AKAP9: variants seen among roughly 807,000 people sequenced by gnomAD.
The protein encoded by AKAP9 is A-kinase anchor protein 9.
AKAP9 carries 311 observed loss-of-function variants against 488.5 expected under a neutral mutation model. The observed-to-expected ratio is 0.64, with a 90% CI of 0.58 to 0.70. The LOEUF is 0.70. AKAP9 is among the 30% of genes least tolerant of loss of function. The probability of loss-of-function intolerance (pLI) is 0.00; values close to 1 mark genes in which losing one functional copy is unlikely to be tolerated. For synonymous variants in AKAP9, 1,462 were observed against 1,483.5 expected, an observed-to-expected ratio of 0.99 and a Z score of 0.33; for missense variants, 4,215 against 4,374.5, an observed-to-expected ratio of 0.96 and a Z score of 1.03.
At chr7:91,950,491 A>C (rs889394930) in intron 1 of AKAP9, among the ~76,000 whole-genome samples, 1 of 151,988 alleles carries the variant, frequency 6.6e-6, no homozygotes, top group Non-Finnish European at 1.5e-5. Flanking sequence ...CGGCCTCCCA[A>C]AGTGCTGGGA....
At chr7:91,974,169 T>C (rs1462413530) in intron 2 of AKAP9, among the ~76,000 whole-genome samples, 1 of 152,202 alleles carries the variant, frequency 6.6e-6, no homozygotes, top group Non-Finnish European at 1.5e-5. Context: ...TAATATATGT[T>C]GAACAACTGC....
rs1261330995 is a variant in AKAP9, at chr7:92,040,874, G to A, written c.4893G>A (p.Lys1631=). ...EDQEQLQEEI[K]RLNRQLAQRS... ...AGGAACAGCTACAAGAAGAGATTAA[G>A]AGACTTAATAGACAATTAGCCCAGG... The change falls in exon 18 of 50, where the codon AAG becomes AAA. Residue 1631 remains lysine, a synonymous_variant. Transcript: ENST00000356239. The A allele has an allele frequency of 6.2e-7, 1 of 1,613,444 alleles. No homozygotes were observed. Among genetic ancestry groups the A allele is most frequent in the Admixed American group, 1.7e-5 (1 of 59,936 alleles).
Position 92,062,563 on chromosome 7 carries a change from T to C in AKAP9, c.5977+77T>C, listed in dbSNP as rs913791552. 145 of 1,250,954 alleles carry C rather than the reference T, an allele frequency of 1.2e-4. 1 individual carries two copies. Among genetic ancestry groups the C allele is most frequent in the Middle Eastern group, 9.5e-4 (5 of 5,246 alleles). 77.5% of individuals were successfully genotyped at this position (1,250,954 alleles called of 1,614,324 possible). ...CTTCAAAGGCTTAAGGTGGCTTTTT[T>C]CCTCTTTCAGTGCCATTATTCATAT... On this transcript the variant is annotated intron_variant, in intron 24 of 49. Transcript: ENST00000356239.
At chr7:92,062,150 C>CTTTTAATAGGTTGGAATGAT in intron 23 of AKAP9, 124 bp from the exon 24 acceptor site, 1 of 844,022 alleles carries the variant, frequency 1.2e-6, no homozygotes, top group Non-Finnish European at 1.9e-6. Flanking sequence ...TCATTCAAGA[C>CTTTTAATAGGTTGGAATGAT]TTTTAATAGG....
intron 37 of AKAP9, among the ~76,000 whole-genome samples, chr7:92,088,783 CAAGAAAACTAAT>C (rs1449026810): frequency 1.3e-5 from 2 of 151,772 alleles, no homozygotes; most frequent in African/African-American, 2.4e-5. Context: ...GACTACACAC[CAAGAAAACTAAT>C]GTGAAAACTA....
Position 92,070,079 on chromosome 7 carries a change from AG to A in AKAP9, c.6381del (p.Glu2127AspfsTer20). On this transcript the variant is annotated frameshift_variant, in exon 27 of 50. Coordinates refer to ENST00000356239, the MANE Select transcript of AKAP9 (RefSeq NM_005751.5). LOFTEE classifies it high-confidence loss of function. ...HLKEKTDKCSELLLSKEQLQR... is the reference protein window; with the variant it reads ...HLKEKTDKCSXLLLSKEQLQR... ...AAAGAAAAAACAGACAAATGCAGTG[AG>A]CTTTTGCTCTCTAAAGAGCAGCTTC... 6.2e-7 allele frequency: 1 copy of A among 1,613,796 alleles called. No homozygotes were observed. Among genetic ancestry groups the A allele is most frequent in the Non-Finnish European group, 8.5e-7 (1 of 1,179,922 alleles).
intron 38 of AKAP9, 133 bp downstream of exon 38, chr7:92,089,662 A>G (rs147752340): frequency 1.3e-5 from 13 of 1,004,216 alleles, no homozygotes; most frequent in Non-Finnish European, 1.8e-5. Flanking sequence ...AATGTTAAGG[A>G]TACAATCTAT....
At chr7:91,956,647 T>C (rs1793059168) in intron 1 of AKAP9, among the ~76,000 whole-genome samples, 1 of 152,118 alleles carries the variant, frequency 6.6e-6, no homozygotes, top group Non-Finnish European at 1.5e-5. Flanking sequence ...ATAGACAGCA[T>C]ATTTTTTTTT....
intron 28 of AKAP9, among the ~76,000 whole-genome samples, chr7:92,072,773 T>C (rs921627730): frequency 6.6e-6 from 1 of 152,194 alleles, no homozygotes; most frequent in Non-Finnish European, 1.5e-5. Context: ...AGCTTAGAGT[T>C]AGCAATAATA....
At chr7:92,013,869 C>A (rs564657253) in intron 9 of AKAP9, among the ~76,000 whole-genome samples, 6 of 123,412 alleles carry the variant, frequency 4.9e-5, no homozygotes, top group Non-Finnish European at 5.2e-5. Flanking sequence ...GAGTAATGAT[C>A]AACATTTTTA....
chr7:91,971,277 T>C (rs778810066), intron 1 of AKAP9, among the ~76,000 whole-genome samples: 2 of 152,192 alleles, frequency 1.3e-5, no homozygotes, highest in Non-Finnish European at 2.9e-5. Flanking sequence ...CTCTAATGAT[T>C]CTTTCTGTTC....
In AKAP9 at chr7:92,082,672, G is replaced by GTAGCTTACCAAAGA. The variant is rs1813789814; in HGVS notation, c.8160+12_8160+13insGCTTACCAAAGATA. On this transcript the variant is annotated intron_variant, in intron 32 of 49. Transcript: ENST00000356239. ...TCAAGAAGAGCTTTTGGTAAGATAA[G>GTAGCTTACCAAAGA]TAACATAGCTCCTAATTCACTCATT... 3 of 1,613,476 alleles carry GTAGCTTACCAAAGA rather than the reference G, an allele frequency of 1.9e-6. No individual in the cohort carries two copies. In the African/African-American group the frequency reaches 4.0e-5, roughly 22 times the overall value.
Position 92,062,307 on chromosome 7 carries a change from T to C in AKAP9, c.5798T>C (p.Leu1933Pro). The C allele has an allele frequency of 1.9e-6, 3 of 1,613,756 alleles. No homozygotes were observed. Among genetic ancestry groups the C allele is most frequent in the Non-Finnish European group, 1.7e-6 (2 of 1,179,730 alleles). The part of the protein sequence containing the change: ...VIDGYADEKT[L>P]FERQIQEKTD... ...GATGGCTATGCAGATGAAAAAACTC[T>C]TTTTGAAAGGCAAATTCAGGAAAAA... Residue 1933 changes from leucine to proline, a missense_variant, in exon 24 of 50, where the codon CTT (leucine) becomes CCT (proline). Physicochemically the swap from Leu to Pro is moderately conservative, Grantham distance 98. Around this residue, in one of 5 missense-constraint regions of AKAP9, gnomAD observed 2,361 missense variants for 2,430.0 expected, o/e 0.97. Coordinates refer to ENST00000356239, the MANE Select transcript of AKAP9 (RefSeq NM_005751.5).
intron 1 of AKAP9, among the ~76,000 whole-genome samples, chr7:91,950,042 T>A (rs558906042): frequency 2.0e-5 from 3 of 152,258 alleles, no homozygotes; most frequent in Admixed American, 6.5e-5. Flanking sequence ...CTATACAAAG[T>A]CCTAATCTGT....
chr7:91,964,948 T>C (rs1018079224), intron 1 of AKAP9, among the ~76,000 whole-genome samples: 3 of 152,156 alleles, frequency 2.0e-5, no homozygotes, highest in African/African-American at 7.2e-5. Context: ...ATACATGTGA[T>C]AATTTAATGC....
chr7:92,073,340 C>CA (rs397713211), intron 28 of AKAP9, among the ~76,000 whole-genome samples: 57,918 of 126,970 alleles, frequency 0.46, 13,131 homozygotes, highest in African/African-American at 0.61. Flanking sequence ...ACTAAAAATA[C>CA]AAAAAAAAAA....
Position 92,002,902 on chromosome 7 carries a change from A to G in AKAP9, c.2985A>G (p.Arg995=). ...AAGAACAAGTTTCATTGAGATGTAG[A>G]GAGCTAGAAATCATTATTAACCACA... ...QEKEQVSLRC[R]ELEIIINHNR... is the part of the protein sequence containing the mutation. Residue 995 remains arginine, a synonymous_variant, in exon 8 of 50, where the codon AGA becomes AGG. Transcript: ENST00000356239. 1 of 1,611,888 alleles carries G rather than the reference A, an allele frequency of 6.2e-7. No homozygotes were observed. Among genetic ancestry groups the G allele is most frequent in the Non-Finnish European group, 8.5e-7 (1 of 1,179,132 alleles).
At chr7:91,944,022 A>T (rs1210870349) in intron 1 of AKAP9, among the ~76,000 whole-genome samples, 2 of 152,212 alleles carry the variant, frequency 1.3e-5, no homozygotes, top group African/African-American at 4.8e-5. Flanking sequence ...TCTAAACCTT[A>T]TAAATGATCA....
Position 91,985,797 on chromosome 7 carries a change from G to A in AKAP9, c.351+5464G>A, listed in dbSNP as rs535398598. On this transcript the variant is annotated intron_variant, in intron 3 of 49. Transcript: ENST00000356239. ...TGAGTACCTGGGACTACAGGCGCGT[G>A]CCACCATATCTGGCTAATTTTTCGT... is the stretch of plus-strand genomic sequence containing the variant. 2.6e-5 allele frequency among the ~76,000 whole-genome samples: 4 copies of A among 152,186 alleles called. No individual in the cohort carries two copies. The South Asian group carries it at 8.3e-4, about 32-fold the overall frequency.
Sources: allele counts gnomAD v4.1 joint callset (sites outside exome capture counted in the v4.1 genomes callset), GRCh38; gene constraint gnomAD v4.1.1; regional missense constraint gnomAD v4.1.1; transcripts MANE v1.5; gene names NCBI Gene and HGNC (gene_info 2026-07-23, HGNC 2026-07-21).